TM4SF4: variants seen among roughly 807,000 people sequenced by gnomAD.
The protein encoded by TM4SF4 is transmembrane 4 L6 family member 4.
In TM4SF4, 24 loss-of-function variants were observed where a neutral mutation model predicts 24.1. The ratio of observed to expected loss-of-function variants is 1.00; its 90% CI spans 0.72 to 1.40. The LOEUF (loss-of-function observed/expected upper bound fraction) is 1.40, where lower values mean the gene tolerates loss of function less well. TM4SF4 is among the 40% of genes most tolerant of loss of function. The probability of loss-of-function intolerance (pLI) is 0.00; values close to 1 mark genes in which losing one functional copy is unlikely to be tolerated. For synonymous variants in TM4SF4, 113 were observed against 97.0 expected, an observed-to-expected ratio of 1.17 and a Z score of -0.97; for missense variants, 254 against 254.2, an observed-to-expected ratio of 1.00 and a Z score of 0.01.
intron 3 of TM4SF4, among the ~76,000 whole-genome samples, chr3:149,488,381 G>T (rs1315637414): frequency 1.3e-5 from 2 of 152,074 alleles, no homozygotes; most frequent in Non-Finnish European, 2.9e-5. Flanking sequence ...CTGTGCCAAG[G>T]CAGGCTTAAT....
In TM4SF4 at chr3:149,487,611, T is replaced by A; in HGVS notation, c.265-8T>A. 2 of 1,613,990 alleles carry A rather than the reference T, an allele frequency of 1.2e-6. No homozygotes were observed. The highest frequency in any genetic ancestry group is 1.7e-6 in the Non-Finnish European group (2 of 1,179,868). Reference sequence around the variant, plus strand: ...GAGAATGTGACTGTCTCTCTTCCTCTCTTTCAGATGTTCACCTCCACGATA... The same window carrying A: ...GAGAATGTGACTGTCTCTCTTCCTCACTTTCAGATGTTCACCTCCACGATA... On this transcript the variant is annotated splice_region_variant and splice_polypyrimidine_tract_variant and intron_variant, in intron 2 of 4. Coordinates refer to ENST00000305354, the MANE Select transcript of TM4SF4 (RefSeq NM_004617.4).
chr3:149,485,933 A>T (rs1226717715), intron 2 of TM4SF4, among the ~76,000 whole-genome samples: 5 of 152,264 alleles, frequency 3.3e-5, no homozygotes, highest in Admixed American at 3.3e-4. Context: ...AAGGAGAGTC[A>T]GACAAAGCAC....
chr3:149,483,308 C>A (rs1226775407), intron 2 of TM4SF4, among the ~76,000 whole-genome samples: 1 of 152,094 alleles, frequency 6.6e-6, no homozygotes, highest in African/African-American at 2.4e-5. Flanking sequence ...CATATAAACT[C>A]TCAGTAAGAA....
intron 2 of TM4SF4, 68 bp from the exon 3 acceptor site, chr3:149,487,551 A>G (rs1734139874): frequency 6.3e-7 from 1 of 1,584,930 alleles, no homozygotes; most frequent in Non-Finnish European, 8.6e-7. Context: ...CAGCAGGTGG[A>G]TTAGGTTTGT....
At chr3:149,475,778 C>T (rs1380566972) in intron 1 of TM4SF4, 45 bp from the exon 2 acceptor site, 5 of 1,539,372 alleles carry the variant, frequency 3.2e-6, no homozygotes, top group Non-Finnish European at 4.4e-6. Flanking sequence ...TCGGGCCCTC[C>T]CTTCAACTCC....
intron 3 of TM4SF4, among the ~76,000 whole-genome samples, chr3:149,496,615 A>G (rs975977745): frequency 6.6e-6 from 1 of 152,260 alleles, no homozygotes; most frequent in African/African-American, 2.4e-5. Flanking sequence ...CCAAAAATAC[A>G]AAATTAGCCG....
intron 3 of TM4SF4, among the ~76,000 whole-genome samples, chr3:149,496,846 G>A (rs1031280029): frequency 1.3e-5 from 2 of 150,928 alleles, no homozygotes; most frequent in Non-Finnish European, 3.0e-5. Flanking sequence ...ATTGTGATGT[G>A]GTTCTTAGTC....
intron 2 of TM4SF4, among the ~76,000 whole-genome samples, chr3:149,478,307 A>G (rs1302067779): frequency 6.6e-6 from 1 of 151,940 alleles, no homozygotes; most frequent in Non-Finnish European, 1.5e-5. Context: ...CACCATGCCC[A>G]GCTAATTTTG....
chr3:149,487,019 C>CA (rs1734128128), intron 2 of TM4SF4, among the ~76,000 whole-genome samples: 1 of 152,108 alleles, frequency 6.6e-6, no homozygotes, highest in Non-Finnish European at 1.5e-5. Flanking sequence ...TTTGGGAGGC[C>CA]AAGGCAGGCG....
At chr3:149,484,370 A>ATTTAT (rs57726360) in intron 2 of TM4SF4, among the ~76,000 whole-genome samples, 10 of 151,670 alleles carry the variant, frequency 6.6e-5, no homozygotes, top group Admixed American at 1.3e-4. Flanking sequence ...TTAGAATGCA[A>ATTTAT]TTGTTTATTT....
At chr3:149,495,081 A>G in intron 3 of TM4SF4, 1 of 258,160 alleles carries the variant, frequency 3.9e-6, no homozygotes, top group African/African-American at 2.3e-5. Context: ...GGATGAAACA[A>G]CCAATTGTTG....
chr3:149,487,903 G>T, intron 3 of TM4SF4, 148 bp downstream of exon 3: 1 of 1,143,720 alleles, frequency 8.7e-7, no homozygotes, highest in South Asian at 1.6e-5. Context: ...TGGAGTTGTG[G>T]AATACAGCAA....
chr3:149,478,767 T>C (rs796912524), intron 2 of TM4SF4, among the ~76,000 whole-genome samples: 2 of 152,244 alleles, frequency 1.3e-5, no homozygotes, highest in African/African-American at 2.4e-5. Flanking sequence ...TTTGTTCTAT[T>C]TTGTTTTTTT....
At position 149,502,678 on chromosome 3, in the gene TM4SF4, A is replaced by G; in HGVS notation, c.594A>G (p.Gly198=). ...AATTCACCTTTTCTACCTTCTAGGGAGATGGACCCGTTTAAACCTCCGAGA... is the reference window on the plus strand; with the variant it reads ...AATTCACCTTTTCTACCTTCTAGGGGGATGGACCCGTTTAAACCTCCGAGA... ...GDCQCCGCCG[G]DGPV The change falls in exon 5 of 5, where the codon GGA becomes GGG. Residue 198 remains glycine (G), a splice_region_variant and synonymous_variant. Transcript: ENST00000305354. 6.2e-7 allele frequency: 1 copy of G among 1,605,764 alleles called. No individual in the cohort carries two copies. Among genetic ancestry groups the G allele is most frequent in the Non-Finnish European group, 8.5e-7 (1 of 1,172,644 alleles).
In TM4SF4 at chr3:149,474,885, C is replaced by A; in HGVS notation, c.8C>A (p.Thr3Asn). ...GTGTCGTACCACCCCAGAATGTGCA[C>A]TGGGGGCTGTGCCAGATGCCTGGGG... MCTGGCARCLGGT... is the reference protein window; with the variant it reads MCNGGCARCLGGT... Residue 3 changes from threonine (T) to asparagine (N), a missense_variant, in exon 1 of 5, where the codon ACT (threonine) becomes AAT (asparagine). Thr to Asn is a moderately conservative substitution (Grantham distance 65). Coordinates refer to ENST00000305354, the MANE Select transcript of TM4SF4 (RefSeq NM_004617.4). 1 of 1,613,294 alleles carries A rather than the reference C, an allele frequency of 6.2e-7. No individual in the cohort carries two copies. The highest frequency in any genetic ancestry group is 8.5e-7 in the Non-Finnish European group (1 of 1,179,652).
chr3:149,477,608 G>T (rs1733955337), intron 2 of TM4SF4, among the ~76,000 whole-genome samples: 1 of 152,214 alleles, frequency 6.6e-6, no homozygotes, highest in African/African-American at 2.4e-5. Flanking sequence ...TTCCATGTGA[G>T]TTCAAAGGTC....
intron 2 of TM4SF4, among the ~76,000 whole-genome samples, chr3:149,480,376 C>A (rs1162787481): frequency 6.6e-6 from 1 of 152,138 alleles, no homozygotes; most frequent in Non-Finnish European, 1.5e-5. Context: ...AAAGGAGTGT[C>A]TTTAATAATG....
intron 3 of TM4SF4, among the ~76,000 whole-genome samples, chr3:149,492,252 C>T (rs985288903): frequency 2.6e-5 from 4 of 152,120 alleles, no homozygotes; most frequent in Non-Finnish European, 5.9e-5. Flanking sequence ...TCTGAGATTT[C>T]GAACTTAGTG....
chr3:149,480,855 T>C (rs187996506), intron 2 of TM4SF4, among the ~76,000 whole-genome samples: 3 of 152,268 alleles, frequency 2.0e-5, no homozygotes, highest in Non-Finnish European at 4.4e-5. Flanking sequence ...TTTATTTTAT[T>C]TTTATTTATT....
Sources: allele counts gnomAD v4.1 joint callset (sites outside exome capture counted in the v4.1 genomes callset), GRCh38; gene constraint gnomAD v4.1.1; transcripts MANE v1.5; gene names NCBI Gene and HGNC (gene_info 2026-07-23, HGNC 2026-07-21).